GNAT3: variants seen among roughly 807,000 people sequenced by gnomAD.
The protein encoded by GNAT3 is guanine nucleotide-binding protein G(t) subunit alpha-3.
A neutral mutation model predicts 37.7 loss-of-function variants in GNAT3; 31 were observed. The ratio of observed to expected loss-of-function variants is 0.82; its 90% CI spans 0.62 to 1.11. The LOEUF is 1.11. Ranked by LOEUF, GNAT3 falls within the 50% of genes most tolerant of loss-of-function variation. The pLI is 0.00. For synonymous variants in GNAT3, 138 were observed against 139.8 expected (o/e 0.99, Z 0.09); for missense variants, 437 against 412.5 (o/e 1.06, Z -0.51).
chr7:80,486,911 C>T (rs974274974), intron 3 of GNAT3, among the ~76,000 whole-genome samples: 5 of 151,904 alleles, frequency 3.3e-5, no homozygotes, highest in Non-Finnish European at 5.9e-5. Context: ...CATGGAATAC[C>T]GTATTGCATC....
Position 80,509,005 on chromosome 7 carries a change from G to A in GNAT3, c.118+2804C>T, listed in dbSNP as rs570487169. Among the ~76,000 whole-genome samples, 134 of 152,146 alleles carry A rather than the reference G, an allele frequency of 8.8e-4. 4 individuals carry two copies. Among genetic ancestry groups the A allele is most frequent in the Admixed American group, 6.2e-3 (95 of 15,262 alleles). ...TAAACTGGTTAGTTCCATGTGACATGTACTCACTGATAAACTTAAAAGTGT... is the reference window on the plus strand; with the variant it reads ...TAAACTGGTTAGTTCCATGTGACATATACTCACTGATAAACTTAAAAGTGT... On this transcript the variant is annotated intron_variant, in intron 1 of 7. Transcript: ENST00000398291.
chr7:80,499,417 G>C (rs1479377943), intron 1 of GNAT3, among the ~76,000 whole-genome samples: 1 of 152,036 alleles, frequency 6.6e-6, no homozygotes, highest in Non-Finnish European at 1.5e-5. Context: ...ACAGAATCTA[G>C]CTCTGTTGCC....
chr7:80,460,384 CTG>C (rs1790029247), intron 7 of GNAT3, among the ~76,000 whole-genome samples: 1 of 152,168 alleles, frequency 6.6e-6, no homozygotes, highest in Admixed American at 6.5e-5. Flanking sequence ...CTGTATAACA[CTG>C]TAATGCTGGA....
chr7:80,480,700 A>G (rs1161405349), intron 3 of GNAT3, among the ~76,000 whole-genome samples: 1 of 152,124 alleles, frequency 6.6e-6, no homozygotes, highest in African/African-American at 2.4e-5. Flanking sequence ...TGACATTGCC[A>G]TGGCATTTGT....
At chr7:80,493,484 T>G (rs931035774) in intron 2 of GNAT3, among the ~76,000 whole-genome samples, 2 of 152,176 alleles carry the variant, frequency 1.3e-5, no homozygotes, top group African/African-American at 4.8e-5. Context: ...TGAAACCAAT[T>G]TCATTATTGA....
chr7:80,469,103 CTG>C (rs1224527897), intron 5 of GNAT3, among the ~76,000 whole-genome samples: 1 of 152,078 alleles, frequency 6.6e-6, no homozygotes, highest in Admixed American at 6.6e-5. Context: ...TCACTCCTAT[CTG>C]AGATGATTCA....
chr7:80,497,323 G>C (rs1249136395), intron 1 of GNAT3, among the ~76,000 whole-genome samples: 2 of 152,008 alleles, frequency 1.3e-5, no homozygotes, highest in Non-Finnish European at 2.9e-5. Context: ...AAATGAATGA[G>C]CTTTGCACAA....
chr7:80,470,961 C>A (rs1199964258), intron 5 of GNAT3, among the ~76,000 whole-genome samples: 1 of 151,180 alleles, frequency 6.6e-6, no homozygotes, highest in Non-Finnish European at 1.5e-5. Flanking sequence ...ACATTTGAGT[C>A]AGTGGGCTGG....
In GNAT3 at chr7:80,474,307, T is replaced by C. The variant is rs1226191125; in HGVS notation, c.534A>G (p.Arg178=). 1.3e-6 allele frequency: 2 copies of C among 1,583,028 alleles called. No homozygotes were observed. Among genetic ancestry groups the C allele is most frequent in the East Asian group, 4.5e-5 (2 of 44,054 alleles). Residue 178 remains arginine (R), a synonymous_variant, in exon 5 of 8, where the codon CGA becomes CGG. Transcript: ENST00000398291. ...TTTCAATGATTCCAGTCGTTTTCAC[T>C]CGAGAATGGAGAACATCTTGTTCAT... ...VPNEQDVLHS[R]VKTTGIIETQ...
rs544883086 is a variant in GNAT3, at chr7:80,461,255, A to G, written c.874+904T>C. ...AAACTGGATTTGTATTTTTGTTTAA[A>G]TCATAAATATGGCTGGGTGCAATGG... On this transcript the variant is annotated intron_variant, in intron 7 of 7. Coordinates refer to ENST00000398291, the MANE Select transcript of GNAT3 (RefSeq NM_001102386.3). 3.3e-5 allele frequency among the ~76,000 whole-genome samples: 5 copies of G among 152,222 alleles called. 1 individual carries two copies. In the South Asian group the frequency reaches 1.0e-3, roughly 32 times the overall value.
intron 4 of GNAT3, among the ~76,000 whole-genome samples, chr7:80,478,452 A>G (rs193275038): frequency 1.8e-4 from 28 of 152,302 alleles, no homozygotes; most frequent in Non-Finnish European, 3.5e-4. Context: ...CATTAATGAA[A>G]TTAATCTAGG....
At chr7:80,505,324 A>C (rs907377042) in intron 1 of GNAT3, among the ~76,000 whole-genome samples, 1 of 152,186 alleles carries the variant, frequency 6.6e-6, no homozygotes, top group African/African-American at 2.4e-5. Flanking sequence ...AGTATGAGAG[A>C]TAATAGAATA....
chr7:80,467,630 C>A, intron 5 of GNAT3, among the ~76,000 whole-genome samples: 1 of 151,766 alleles, frequency 6.6e-6, no homozygotes, highest in East Asian at 1.9e-4. Flanking sequence ...TTTGGAGATC[C>A]CCAAAGTGAA....
intron 5 of GNAT3, among the ~76,000 whole-genome samples, chr7:80,463,363 G>A (rs1790083942): frequency 6.6e-6 from 1 of 152,032 alleles, no homozygotes; most frequent in Non-Finnish European, 1.5e-5. Context: ...TTAAAAACTA[G>A]GAGCTAGGCA....
At chr7:80,463,143 G>A (rs1293528139) in intron 5 of GNAT3, among the ~76,000 whole-genome samples, 2 of 151,990 alleles carry the variant, frequency 1.3e-5, no homozygotes, top group East Asian at 3.9e-4. Flanking sequence ...CCCTATCTTC[G>A]AAGAACGTTC....
Position 80,462,551 on chromosome 7 carries a change from C to A in GNAT3, c.671G>T (p.Cys224Phe). ...CATGTCATAGGCACTAAGTGCAGCACAAAATATAATGCATGTAACTCCTTC... is the reference window on the plus strand; with the variant it reads ...CATGTCATAGGCACTAAGTGCAGCAAAAAATATAATGCATGTAACTCCTTC... ...CFEGVTCIIF[C>F]AALSAYDMVL... Residue 224 changes from cysteine (C) to phenylalanine (F), a missense_variant, in exon 6 of 8, where the codon TGT becomes TTT. Coordinates refer to ENST00000398291, the MANE Select transcript of GNAT3 (RefSeq NM_001102386.3). 1.9e-6 allele frequency: 3 copies of A among 1,613,586 alleles called. No homozygotes were observed. Among genetic ancestry groups the A allele is most frequent in the Non-Finnish European group, 2.5e-6 (3 of 1,179,562 alleles).
chr7:80,470,066 A>T (rs2116153052), intron 5 of GNAT3, among the ~76,000 whole-genome samples: 1 of 152,258 alleles, frequency 6.6e-6, no homozygotes, highest in South Asian at 2.1e-4. Flanking sequence ...TGGAGTAAGG[A>T]GGTACTGTAT....
intron 1 of GNAT3, among the ~76,000 whole-genome samples, chr7:80,496,859 T>C (rs1489324741): frequency 3.9e-5 from 6 of 152,194 alleles, no homozygotes; most frequent in Admixed American, 6.5e-5. Flanking sequence ...TTTTCTTTTT[T>C]TTTTTTTGGT....
chr7:80,472,166 A>G (rs889581985), intron 5 of GNAT3, among the ~76,000 whole-genome samples: 2 of 152,142 alleles, frequency 1.3e-5, no homozygotes, highest in Non-Finnish European at 2.9e-5. Flanking sequence ...TGATGTATCA[A>G]TATTGCAGTG....
Sources: allele counts gnomAD v4.1 joint callset (sites outside exome capture counted in the v4.1 genomes callset), GRCh38; gene constraint gnomAD v4.1.1; transcripts MANE v1.5; gene names NCBI Gene and HGNC (gene_info 2026-07-23, HGNC 2026-07-21).